Variants in C5orf34 observed in about 807,000 individuals in gnomAD.
The protein encoded by C5orf34 is uncharacterized protein C5orf34.
Under a neutral mutation model 78.4 loss-of-function variants are expected in C5orf34, and 73 were observed. The observed-to-expected ratio is 0.93, with a 90% CI of 0.77 to 1.13. The LOEUF is 1.13. Ranked by LOEUF, C5orf34 falls within the 50% of genes most tolerant of loss-of-function variation. The probability of loss-of-function intolerance (pLI) is 0.00; values close to 1 mark genes in which losing one functional copy is unlikely to be tolerated. For missense variants in C5orf34, 730 were observed against 732.7 expected, an observed-to-expected ratio of 1.00 and a Z score of 0.04; for synonymous variants, 251 against 246.6, an observed-to-expected ratio of 1.02 and a Z score of -0.17.
intron 3 of C5orf34, among the ~76,000 whole-genome samples, chr5:43,507,772 T>A (rs1746052375): frequency 6.6e-6 from 1 of 152,172 alleles, no homozygotes; most frequent in Admixed American, 6.5e-5. Flanking sequence ...AGACATAATT[T>A]CCTTGCCTAT....
intron 1 of C5orf34, among the ~76,000 whole-genome samples, chr5:43,509,904 T>C (rs1195017125): frequency 6.6e-6 from 1 of 151,998 alleles, no homozygotes; most frequent in Non-Finnish European, 1.5e-5. Flanking sequence ...TACAGGTGTG[T>C]GCCACCATGC....
chr5:43,500,553 G>A (rs974942699), intron 6 of C5orf34, among the ~76,000 whole-genome samples: 4 of 152,100 alleles, frequency 2.6e-5, no homozygotes, highest in Admixed American at 6.5e-5. Flanking sequence ...GCACCACCAT[G>A]CCTGGCTAAT....
intron 6 of C5orf34, chr5:43,496,051 A>G: frequency 6.3e-7 from 1 of 1,587,444 alleles, no homozygotes; most frequent in African/African-American, 1.3e-5. Context: ...CCAGAAGGGC[A>G]TGCTCTCAGG....
intron 6 of C5orf34, chr5:43,495,296 T>C: frequency 6.2e-7 from 1 of 1,610,208 alleles, no homozygotes; most frequent in Non-Finnish European, 8.5e-7. Flanking sequence ...AGGGCCATCT[T>C]CCAGCTTTTT....
At chr5:43,504,483 T>C (rs959139875) in intron 4 of C5orf34, among the ~76,000 whole-genome samples, 2 of 152,116 alleles carry the variant, frequency 1.3e-5, no homozygotes, top group African/African-American at 4.8e-5. Flanking sequence ...GGACTTAACT[T>C]GTTTAGGGTC....
At position 43,486,938 on chromosome 5, in the gene C5orf34, G is replaced by A. The variant is rs1579848982; in HGVS notation, c.1894C>T (p.Leu632Phe). Residue 632 changes from leucine to phenylalanine, a missense_variant, in exon 13 of 13, where the codon CTT becomes TTT. Leu to Phe is a conservative substitution (Grantham distance 22). Coordinates refer to ENST00000306862, the MANE Select transcript of C5orf34 (RefSeq NM_198566.4). ...TTTCACTTTTTAGAGTTTGATAGAA[G>A]ACAGTCAATATCGTGAAGGATTTCA... is the stretch of plus-strand genomic sequence containing the variant. ...TSEILHDIDCLLSNSKK is the reference protein window; with the variant it reads ...TSEILHDIDCFLSNSKK 1 of 1,532,752 alleles carries A rather than the reference G, an allele frequency of 6.5e-7. No homozygotes were observed. Among genetic ancestry groups the A allele is most frequent in the Non-Finnish European group, 8.7e-7 (1 of 1,144,670 alleles). The allele number at this position is 1,532,752 out of a possible 1,614,324, so 94.9% of individuals were successfully genotyped here. A position where few individuals can be genotyped will look rare whatever the true frequency, so the allele number is the denominator to read the frequency against.
chr5:43,495,686 C>T, intron 6 of C5orf34: 13 of 1,581,716 alleles, frequency 8.2e-6, no homozygotes, highest in Non-Finnish European at 1.1e-5. Context: ...AGTACCAATA[C>T]CACCAATTTT....
At chr5:43,505,008 C>T (rs912755282) in intron 4 of C5orf34, among the ~76,000 whole-genome samples, 1 of 152,150 alleles carries the variant, frequency 6.6e-6, no homozygotes, top group African/African-American at 2.4e-5. Context: ...ATTTCTATGT[C>T]GCAAGTTCCT....
At chr5:43,491,970 C>G (rs889648561) in intron 10 of C5orf34, among the ~76,000 whole-genome samples, 1 of 147,384 alleles carries the variant, frequency 6.8e-6, no homozygotes, top group African/African-American at 2.5e-5. Context: ...TGCCATTGTA[C>G]TCCGGCCCAG....
intron 6 of C5orf34, chr5:43,495,438 T>C: frequency 6.2e-7 from 1 of 1,611,314 alleles, no homozygotes; most frequent in Admixed American, 1.7e-5. Flanking sequence ...ACCTGAGCAA[T>C]GAAGTCAGCT....
At position 43,492,290 on chromosome 5, in the gene C5orf34, A is replaced by G. The variant is rs1218550193; in HGVS notation, c.1505T>C (p.Leu502Ser). The G allele has an allele frequency of 7.5e-6, 12 of 1,608,804 alleles. No individual in the cohort carries two copies. The highest frequency in any genetic ancestry group is 1.0e-5 in the Non-Finnish European group (12 of 1,176,786). Residue 502 changes from leucine (L) to serine (S), a missense_variant, in exon 10 of 13, where the codon TTA (leucine) becomes TCA (serine). Transcript: ENST00000306862. ...AGGAAAAGTTAACTTACACCAACCT[A>G]AGTTAAGACCTTGATTTACCTGAAG... Reference protein sequence around the residue: ...EKRQVNQGLNLGWCKLTFPDG... With the variant: ...EKRQVNQGLNSGWCKLTFPDG...
intron 1 of C5orf34, among the ~76,000 whole-genome samples, chr5:43,510,126 C>T (rs1402996990): frequency 1.3e-5 from 2 of 152,094 alleles, no homozygotes; most frequent in Non-Finnish European, 2.9e-5. Flanking sequence ...CAAATTCCAC[C>T]TTTATGGTAA....
intron 12 of C5orf34, 135 bp from the exon 13 acceptor site, chr5:43,487,246 G>T (rs1438336639): frequency 2.2e-6 from 1 of 462,868 alleles, no homozygotes; most frequent in Non-Finnish European, 3.8e-6. Context: ...AGTTGGAACT[G>T]CAAGGCTTAT....
At chr5:43,509,419 T>C in intron 1 of C5orf34, 44 bp from the exon 2 acceptor site, 2 of 1,159,068 alleles carry the variant, frequency 1.7e-6, no homozygotes, top group Non-Finnish European at 2.4e-6. Context: ...GTTCTCTTAA[T>C]GTACAAAACT....
intron 6 of C5orf34, among the ~76,000 whole-genome samples, chr5:43,497,376 C>T (rs974078454): frequency 1.3e-5 from 2 of 152,164 alleles, no homozygotes; most frequent in Non-Finnish European, 2.9e-5. Flanking sequence ...TCATTTATTC[C>T]TCAAAATAAT....
intron 1 of C5orf34, among the ~76,000 whole-genome samples, chr5:43,511,715 A>G (rs543279404): frequency 6.6e-6 from 1 of 152,294 alleles, no homozygotes; most frequent in South Asian, 2.1e-4. Context: ...GATGCTGTTG[A>G]TCTATGACCT....
At chr5:43,495,813 C>T (rs1745492084) in intron 6 of C5orf34, 2 of 1,580,186 alleles carry the variant, frequency 1.3e-6, no homozygotes, top group Non-Finnish European at 1.7e-6. Flanking sequence ...TTACGGGTGG[C>T]TTTCCATCCC....
chr5:43,498,170 G>A (rs796111033), intron 6 of C5orf34, among the ~76,000 whole-genome samples: 1 of 152,290 alleles, frequency 6.6e-6, no homozygotes, highest in Middle Eastern at 3.4e-3. Context: ...GGCTGTGTCT[G>A]TTTTGCTCAT....
Position 43,486,786 on chromosome 5 carries a change from A to C in C5orf34, c.*129T>G. Reference sequence around the variant, plus strand: ...CAAGTTAAAAATACCTTCAAAGTTAAATGTCAGTTCTTTCACAATCATTGT... The same window carrying C: ...CAAGTTAAAAATACCTTCAAAGTTACATGTCAGTTCTTTCACAATCATTGT... On this transcript the variant is annotated 3_prime_UTR_variant, in exon 13 of 13. Coordinates refer to ENST00000306862, the MANE Select transcript of C5orf34 (RefSeq NM_198566.4). 4.6e-6 allele frequency: 2 copies of C among 434,216 alleles called. No individual in the cohort carries two copies. The highest frequency in any genetic ancestry group is 8.2e-6 in the Non-Finnish European group (2 of 244,682). The allele number at this position is 434,216 out of a possible 1,614,324, so 26.9% of individuals were successfully genotyped here.
Sources: gnomAD v4.1 joint callset for allele counts (sites outside exome capture counted in the v4.1 genomes callset) on GRCh38, gnomAD v4.1.1 for gene constraint, MANE v1.5 for transcripts, NCBI Gene and HGNC (gene_info 2026-07-23, HGNC 2026-07-21) for gene names.